Variants in CDH26 observed in about 807,000 individuals in gnomAD.
CDH26 encodes the protein cadherin-like protein 26.
Under a neutral mutation model 90.3 loss-of-function variants are expected in CDH26, and 83 were observed. That is an observed-to-expected ratio of 0.92 (90% CI 0.77 to 1.10). The LOEUF is 1.10. Ranked by LOEUF, CDH26 falls within the 50% of genes least tolerant of loss-of-function variation. The probability of loss-of-function intolerance (pLI) is 0.00; values close to 1 mark genes in which losing one functional copy is unlikely to be tolerated. For synonymous variants in CDH26, 397 were observed against 396.3 expected, an observed-to-expected ratio of 1.00 and a Z score of -0.02; for missense variants, 1,013 against 1,037.6, an observed-to-expected ratio of 0.98 and a Z score of 0.33.
exon 8 of CDH26, chr20:60,031,402 A>G: frequency 1.6e-6 from 2 of 1,212,926 alleles, no homozygotes; most frequent in Non-Finnish European, 2.1e-6. Context: ...CTCTTTCAAG[A>G]AAGTTGTTTA....
At chr20:60,033,632 G>A (rs955807845) in exon 9 of CDH26, 2 of 1,304,918 alleles carry the variant, frequency 1.5e-6, no homozygotes, top group Non-Finnish European at 2.0e-6. Flanking sequence ...AGACTACAGA[G>A]GAGAATCGGC....
At chr20:59,994,820 C>T (rs2061572166) in intron 11 of CDH26, among the ~76,000 whole-genome samples, 1 of 152,152 alleles carries the variant, frequency 6.6e-6, no homozygotes, top group Non-Finnish European at 1.5e-5. Context: ...GTCAGCTGCC[C>T]TGTCAATCAC....
intron 17 of CDH26, among the ~76,000 whole-genome samples, chr20:60,009,303 AGGAGAGTT>A (rs1380853466): frequency 2.0e-5 from 3 of 152,164 alleles, no homozygotes; most frequent in Non-Finnish European, 4.4e-5. Flanking sequence ...TCATCTACAA[AGGAGAGTT>A]GGGGCAGCTC....
chr20:60,021,381 A>C (rs932000780), intron 7 of CDH26, among the ~76,000 whole-genome samples: 2 of 152,212 alleles, frequency 1.3e-5, no homozygotes, highest in Non-Finnish European at 2.9e-5. Flanking sequence ...AGCAGAGCTG[A>C]GTAATTGCAA....
Position 59,994,476 on chromosome 20 carries a change from G to C in CDH26, c.1653G>C (p.Leu551Phe). 1.2e-6 allele frequency: 2 copies of C among 1,614,020 alleles called. No individual in the cohort carries two copies. The highest frequency in any genetic ancestry group is 2.7e-5 in the African/African-American group (2 of 75,032). Reference protein sequence around the residue: ...TWGNAEDTWKLGRNWGQSVEL... With the variant: ...TWGNAEDTWKFGRNWGQSVEL... ...GAAATGCGGAGGACACATGGAAGTT[G>C]GGGAGAAATTGGGGTGAGTTTTTGT... The change falls in exon 11 of 18, where the codon TTG (leucine) becomes TTC (phenylalanine). Residue 551 changes from leucine (L) to phenylalanine (F), a missense_variant. Leu to Phe is a conservative substitution (Grantham distance 22, BLOSUM62 0). Transcript: ENST00000348616.
Position 60,002,845 on chromosome 20 carries a change from G to T in CDH26, c.2199G>T (p.Val733=). ...GCAAGCCCTTTGAGCCAAGAAGTGT[G>T]AAAAACATACACTCTACTCCTGTAA... ...GYGKPFEPRS[V]KNIHSTPAYP... Residue 733 remains valine (V), a synonymous_variant, in exon 16 of 18, where the codon GTG becomes GTT. Coordinates refer to ENST00000348616, the MANE Select transcript of CDH26 (RefSeq NM_177980.4). The T allele has an allele frequency of 6.3e-7, 1 of 1,599,312 alleles. No individual in the cohort carries two copies. Among genetic ancestry groups the T allele is most frequent in the Non-Finnish European group, 8.5e-7 (1 of 1,170,992 alleles).
Position 60,012,509 on chromosome 20 carries a change from T to G in CDH26, c.2296-18T>G. ...AAGCACATGGCATTTACCTTCTCTT[T>G]CCCCCACTTTTCCCCAGAAACTCCA... On this transcript the variant is annotated intron_variant, in intron 17 of 17. Transcript: ENST00000348616. The G allele has an allele frequency of 6.2e-7, 1 of 1,607,530 alleles. No homozygotes were observed. The highest frequency in any genetic ancestry group is 8.5e-7 in the Non-Finnish European group (1 of 1,176,270).
At chr20:59,967,356 ATTTTC>A (rs2061162669) in intron 1 of CDH26, among the ~76,000 whole-genome samples, 1 of 152,158 alleles carries the variant, frequency 6.6e-6, no homozygotes. Flanking sequence ...TTGCTATCAA[ATTTTC>A]TTTTAAATAG....
At chr20:59,968,025 GTCTCTCTC>G (rs777837348) in intron 1 of CDH26, among the ~76,000 whole-genome samples, 22 of 57,226 alleles carry the variant, frequency 3.8e-4, no homozygotes, top group African/African-American at 1.6e-3. Context: ...CTTTCTCTCT[GTCTCTCTC>G]TCTCTCTCTC....
intron 1 of CDH26, among the ~76,000 whole-genome samples, chr20:59,967,825 C>CTT (rs1209819985): frequency 2.1e-5 from 1 of 47,994 alleles, no homozygotes; most frequent in Non-Finnish European, 3.4e-5. Flanking sequence ...TTCTTTCTTT[C>CTT]TTTCTTTCTT....
intron 17 of CDH26, among the ~76,000 whole-genome samples, chr20:60,008,039 G>A (rs886278216): frequency 6.6e-6 from 1 of 152,146 alleles, no homozygotes; most frequent in African/African-American, 2.4e-5. Context: ...ACATGCTCGT[G>A]TCATGGAGGC....
intron 1 of CDH26, 25 bp downstream of exon 1, chr20:59,958,820 C>T: frequency 6.2e-7 from 1 of 1,607,620 alleles, no homozygotes; most frequent in East Asian, 2.2e-5. Flanking sequence ...CAGCCTAGTG[C>T]TCAGGTGCAG....
intron 7 of CDH26, 30 bp downstream of exon 7, chr20:59,985,159 A>C (rs370675080): frequency 6.2e-7 from 1 of 1,611,366 alleles, no homozygotes; most frequent in Non-Finnish European, 8.5e-7. Context: ...CCAACGTCTA[A>C]GCCCCAAAAC....
At chr20:59,977,658 C>G (rs2145979882) in intron 4 of CDH26, among the ~76,000 whole-genome samples, 1 of 148,980 alleles carries the variant, frequency 6.7e-6, no homozygotes, top group Non-Finnish European at 1.5e-5. Context: ...AGTTCCCATC[C>G]TCCCCTCCCC....
At chr20:59,971,154 G>A (rs1035876341) in intron 3 of CDH26, among the ~76,000 whole-genome samples, 2 of 152,122 alleles carry the variant, frequency 1.3e-5, no homozygotes, top group African/African-American at 4.8e-5. Flanking sequence ...TATAGCTGTG[G>A]CATTCTATGA....
At chr20:59,963,374 C>A (rs2061102565) in intron 1 of CDH26, among the ~76,000 whole-genome samples, 1 of 151,634 alleles carries the variant, frequency 6.6e-6, no homozygotes, top group East Asian at 1.9e-4. Context: ...CCTCAGCCTC[C>A]CAAGTAGCTG....
chr20:60,001,488 T>C, intron 15 of CDH26, 77 bp downstream of exon 15: 1 of 1,556,526 alleles, frequency 6.4e-7, no homozygotes, highest in Non-Finnish European at 8.7e-7. Flanking sequence ...GAGAGGGCCG[T>C]TGTAGAAGAT....
intron 17 of CDH26, among the ~76,000 whole-genome samples, chr20:60,008,328 C>T (rs1056313703): frequency 6.6e-6 from 1 of 152,124 alleles, no homozygotes; most frequent in South Asian, 2.1e-4. Context: ...CTGTCATATG[C>T]CTTTTTATAA....
chr20:59,995,887 T>A lies in CDH26; in HGVS notation c.1721T>A (p.Val574Glu). Residue 574 changes from valine (V) to glutamate (E), a missense_variant, in exon 12 of 18, where the codon GTG (valine) becomes GAG (glutamate). Transcript: ENST00000348616. ...AGCCTGCCACGTGGTAATTACTTGG[T>A]GCCACTCTTCATTGGAGACAAACAG... ...LRSLPRGNYL[V>E]PLFIGDKQGL... The A allele has an allele frequency of 6.2e-7, 1 of 1,614,148 alleles. No individual in the cohort carries two copies. Among genetic ancestry groups the A allele is most frequent in the Non-Finnish European group, 8.5e-7 (1 of 1,180,054 alleles).
Sources: gnomAD v4.1 joint callset for allele counts (sites outside exome capture counted in the v4.1 genomes callset) on GRCh38, gnomAD v4.1.1 for gene constraint, MANE v1.5 for transcripts, NCBI Gene and HGNC (gene_info 2026-07-23, HGNC 2026-07-21) for gene names.